CFAP95: variants seen among roughly 807,000 people sequenced by gnomAD.
The protein encoded by CFAP95 is cilia and flagella associated protein 95.
chr9:69,866,812 C>T, the CFAP95 span, among the ~76,000 whole-genome samples: 1 of 152,118 alleles, frequency 6.6e-6, no homozygotes, highest in Non-Finnish European at 1.5e-5. Context: ...TCAAATGTTC[C>T]ATTTCTTAAA....
chr9:69,899,261 A>C, the CFAP95 span, among the ~76,000 whole-genome samples: 1 of 152,048 alleles, frequency 6.6e-6, no homozygotes, highest in Non-Finnish European at 1.5e-5. Context: ...ATTCCCACTA[A>C]ATACATGTTG....
chr9:69,823,289 A>G, the CFAP95 span, among the ~76,000 whole-genome samples: 1 of 152,298 alleles, frequency 6.6e-6, no homozygotes, highest in Non-Finnish European at 1.5e-5. Context: ...TCATGATCCA[A>G]TCACCTACCT....
At chr9:69,905,678 C>T in the CFAP95 span, among the ~76,000 whole-genome samples, 4 of 151,906 alleles carry the variant, frequency 2.6e-5, no homozygotes, top group Non-Finnish European at 5.9e-5. Flanking sequence ...GTTCTTTATG[C>T]TGTGTATTTG....
the CFAP95 span, among the ~76,000 whole-genome samples, chr9:69,873,115 T>TA: frequency 2.6e-5 from 4 of 152,146 alleles, no homozygotes; most frequent in Admixed American, 2.6e-4. Context: ...GGAGGAAACT[T>TA]ACAATCAGTA....
the CFAP95 span, among the ~76,000 whole-genome samples, chr9:69,890,469 A>G: frequency 1.1e-3 from 162 of 152,366 alleles, no homozygotes; most frequent in African/African-American, 3.6e-3. Context: ...CTTGCATGAC[A>G]TTGTTATTGG....
chr9:69,829,686 TACTG>T, the CFAP95 span, among the ~76,000 whole-genome samples: 64 of 152,306 alleles, frequency 4.2e-4, 1 homozygote, highest in African/African-American at 1.3e-3. Context: ...TCTTTTACCT[TACTG>T]ACTATCTCTT....
the CFAP95 span, among the ~76,000 whole-genome samples, chr9:69,846,668 G>A: frequency 6.6e-6 from 1 of 152,142 alleles, no homozygotes; most frequent in Non-Finnish European, 1.5e-5. Flanking sequence ...AGAAAAGGAG[G>A]GGATACTGGC....
the CFAP95 span, among the ~76,000 whole-genome samples, chr9:69,859,769 A>G: frequency 6.6e-6 from 1 of 152,212 alleles, no homozygotes; most frequent in South Asian, 2.1e-4. Flanking sequence ...CACAAACCAG[A>G]TGGTCTAGCC....
the CFAP95 span, among the ~76,000 whole-genome samples, chr9:69,888,886 A>G: frequency 2.7e-4 from 6 of 22,168 alleles, no homozygotes; most frequent in East Asian, 0.022. Flanking sequence ...TCAAAAAGGG[A>G]AAAAAAAAAA....
the CFAP95 span, among the ~76,000 whole-genome samples, chr9:69,864,477 T>C: frequency 6.6e-6 from 1 of 152,154 alleles, no homozygotes. Flanking sequence ...ACTCCAGTTG[T>C]TTCCATTTGG....
chr9:69,881,798 A>G, the CFAP95 span, among the ~76,000 whole-genome samples: 12 of 152,324 alleles, frequency 7.9e-5, no homozygotes, highest in East Asian at 2.3e-3. Flanking sequence ...AGCCATGAAC[A>G]TAAAATATTT....
the CFAP95 span, among the ~76,000 whole-genome samples, chr9:69,883,155 A>C: frequency 4.6e-5 from 7 of 152,204 alleles, no homozygotes; most frequent in Non-Finnish European, 1.0e-4. Flanking sequence ...AGAGGAAAGA[A>C]ACACAAAAAG....
the CFAP95 span, among the ~76,000 whole-genome samples, chr9:69,878,728 C>A: frequency 6.6e-6 from 1 of 152,094 alleles, no homozygotes; most frequent in African/African-American, 2.4e-5. Context: ...TTTTGTCTTA[C>A]GTATTTGTAT....
At chr9:69,888,745 G>T in the CFAP95 span, among the ~76,000 whole-genome samples, 1 of 152,210 alleles carries the variant, frequency 6.6e-6, no homozygotes, top group South Asian at 2.1e-4. Context: ...ACATGTGGTG[G>T]TGCGTGTCTG....
the CFAP95 span, among the ~76,000 whole-genome samples, chr9:69,847,289 T>C: frequency 6.6e-6 from 1 of 152,198 alleles, no homozygotes; most frequent in Non-Finnish European, 1.5e-5. Flanking sequence ...CTTCATTTCA[T>C]CCTCTGGACA....
chr9:69,855,630 C>T, the CFAP95 span, among the ~76,000 whole-genome samples: 1 of 151,968 alleles, frequency 6.6e-6, no homozygotes, highest in African/African-American at 2.4e-5. Flanking sequence ...TCTGAGAAGC[C>T]AAGGATCTAG....
the CFAP95 span, among the ~76,000 whole-genome samples, chr9:69,859,429 T>G: frequency 6.6e-6 from 1 of 152,172 alleles, no homozygotes; most frequent in South Asian, 2.1e-4. Context: ...TTTAAAATTT[T>G]TTTTCTTCCC....
At chr9:69,832,743 G>A in the CFAP95 span, among the ~76,000 whole-genome samples, 1 of 136,606 alleles carries the variant, frequency 7.3e-6, no homozygotes, top group South Asian at 2.4e-4. Flanking sequence ...TGTGCAAAAC[G>A]TGCAGGTTTG....
chr9:69,827,868 G>A, the CFAP95 span, among the ~76,000 whole-genome samples: 10 of 152,254 alleles, frequency 6.6e-5, 1 homozygote, highest in South Asian at 1.2e-3. Context: ...ACATGGTGGC[G>A]TGCAGCTGGC....
Sources: gnomAD v4.1 joint callset for allele counts (sites outside exome capture counted in the v4.1 genomes callset) on GRCh38, gnomAD v4.1.1 for gene constraint, MANE v1.5 for transcripts, NCBI Gene and HGNC (gene_info 2026-07-23, HGNC 2026-07-21) for gene names.